Variants in EPHA6 observed in about 807,000 individuals in gnomAD.
EPHA6 encodes ephrin type-A receptor 6.
In EPHA6, 50 loss-of-function variants were observed where a neutral mutation model predicts 112.0. That is an observed-to-expected ratio of 0.45 (90% CI 0.36 to 0.56). EPHA6 has a LOEUF of 0.56. EPHA6 is among the 20% of genes least tolerant of loss of function. The pLI is 0.00. For missense variants in EPHA6, 1,280 were observed against 1,417.4 expected (o/e 0.90, Z 1.56); for synonymous variants, 529 against 490.7 (o/e 1.08, Z -1.03).
At chr3:96,981,913 T>G (rs1008603814) in intron 2 of EPHA6, among the ~76,000 whole-genome samples, 10 of 152,308 alleles carry the variant, frequency 6.6e-5, no homozygotes, top group African/African-American at 2.4e-4. Flanking sequence ...CCCTTTATCA[T>G]TTTTTATTAC....
rs1204332940 is a variant in EPHA6 at position 97,195,232 on chromosome 3, C to CTGTT, written c.1115-31031_1115-31028dup. On this transcript the variant is annotated intron_variant, in intron 3 of 17. Coordinates refer to ENST00000389672, the MANE Select transcript of EPHA6 (RefSeq NM_001080448.3). ...TTCTTGCTTTTTACTTTTTGTGTAA[C>CTGTT]TGTTGTAAGTTACTTTTGTGTAACT... Among the ~76,000 whole-genome samples, 5 of 116,394 alleles carry CTGTT rather than the reference C, an allele frequency of 4.3e-5. No homozygotes were observed. In the East Asian group the frequency reaches 1.0e-3, roughly 23 times the overall value. 76.4% of individuals were successfully genotyped at this position (116,394 alleles called of 152,430 possible).
intron 2 of EPHA6, among the ~76,000 whole-genome samples, chr3:96,980,317 C>T (rs1439388585): frequency 6.6e-6 from 1 of 152,076 alleles, no homozygotes; most frequent in South Asian, 2.1e-4. Context: ...GAATCCTTTC[C>T]CCATTTCTTG....
chr3:96,841,035 C>T (rs903489555), intron 1 of EPHA6, among the ~76,000 whole-genome samples: 4 of 151,862 alleles, frequency 2.6e-5, no homozygotes, highest in African/African-American at 9.7e-5. Context: ...CAGGAGGTCC[C>T]GATGATGTGT....
intron 5 of EPHA6, among the ~76,000 whole-genome samples, chr3:97,276,256 T>C (rs2080075868): frequency 6.6e-6 from 1 of 152,052 alleles, no homozygotes; most frequent in Non-Finnish European, 1.5e-5. Context: ...AGCCTCTAAG[T>C]GGAGAAGATC....
At chr3:97,368,866 T>C (rs1021626732) in intron 5 of EPHA6, among the ~76,000 whole-genome samples, 43 of 152,248 alleles carry the variant, frequency 2.8e-4, no homozygotes, top group African/African-American at 9.1e-4. Context: ...GATAAAAAAG[T>C]ATATAATGAA....
chr3:97,154,218 C>T (rs1041353995), intron 3 of EPHA6, among the ~76,000 whole-genome samples: 3 of 151,404 alleles, frequency 2.0e-5, no homozygotes. Context: ...GGCACTGATA[C>T]ATCCAAATTT....
At chr3:96,911,678 A>G (rs2039221986) in intron 2 of EPHA6, among the ~76,000 whole-genome samples, 1 of 152,054 alleles carries the variant, frequency 6.6e-6, no homozygotes, top group Non-Finnish European at 1.5e-5. Context: ...TATGTTTTAA[A>G]TATTTTTAAT....
chr3:96,828,098 G>T (rs1355807709), intron 1 of EPHA6, among the ~76,000 whole-genome samples: 1 of 151,944 alleles, frequency 6.6e-6, no homozygotes, highest in Non-Finnish European at 1.5e-5. Context: ...ATAGAAGAGA[G>T]AAATAAAAGT....
chr3:97,553,586 C>G (rs2093060502), intron 11 of EPHA6, among the ~76,000 whole-genome samples: 1 of 152,010 alleles, frequency 6.6e-6, no homozygotes. Flanking sequence ...ACCATCAGCT[C>G]TCATGAGAAC....
intron 16 of EPHA6, among the ~76,000 whole-genome samples, chr3:97,742,487 T>C (rs1405217179): frequency 1.3e-5 from 2 of 152,144 alleles, no homozygotes; most frequent in African/African-American, 4.8e-5. Flanking sequence ...GAAATTTTAA[T>C]TTTCATTCCT....
chr3:96,867,327 T>C (rs957988815), intron 2 of EPHA6, among the ~76,000 whole-genome samples: 58 of 151,834 alleles, frequency 3.8e-4, no homozygotes, highest in African/African-American at 1.4e-3. Flanking sequence ...TAAAATATTA[T>C]GCATTTTTGA....
chr3:97,288,542 C>G (rs910937737), intron 5 of EPHA6, among the ~76,000 whole-genome samples: 4 of 152,134 alleles, frequency 2.6e-5, no homozygotes, highest in Non-Finnish European at 5.9e-5. Flanking sequence ...CTGCAATGAA[C>G]ATGTGAGTGC....
At chr3:97,456,749 A>C (rs1481073478) in intron 7 of EPHA6, among the ~76,000 whole-genome samples, 2 of 152,136 alleles carry the variant, frequency 1.3e-5, no homozygotes, top group Admixed American at 6.5e-5. Context: ...TCATTCCCAA[A>C]GTCTGATTTT....
Position 97,646,077 on chromosome 3 carries a change from A to G in EPHA6, c.2784+7995A>G, listed in dbSNP as rs566119673. The G allele has an allele frequency of 5.1e-5, 73 of 1,421,390 alleles. No individual in the cohort carries two copies. The East Asian group carries it at 1.7e-3, about 33-fold the overall frequency. The allele number at this position is 1,421,390 out of a possible 1,614,324, so 88.0% of individuals were successfully genotyped here. A position where few individuals can be genotyped will look rare whatever the true frequency, so the allele number is the denominator to read the frequency against. ...CTATCCTTTTCTAATCAAAATACGGACAGAATAGGCATTTTCCATTAAAAT... is the reference window on the plus strand; with the variant it reads ...CTATCCTTTTCTAATCAAAATACGGGCAGAATAGGCATTTTCCATTAAAAT... On this transcript the variant is annotated intron_variant, in intron 14 of 17. Transcript: ENST00000389672.
chr3:97,632,790 G>T (rs1041717571), intron 13 of EPHA6, among the ~76,000 whole-genome samples: 1 of 152,006 alleles, frequency 6.6e-6, no homozygotes, highest in African/African-American at 2.4e-5. Flanking sequence ...TATGAGCAAG[G>T]GTCAGGTCTT....
At chr3:97,395,534 G>T (rs1468037362) in intron 5 of EPHA6, among the ~76,000 whole-genome samples, 1 of 151,754 alleles carries the variant, frequency 6.6e-6, no homozygotes, top group Non-Finnish European at 1.5e-5. Context: ...ACTGTTGTGT[G>T]CTTCTGCTTT....
intron 2 of EPHA6, among the ~76,000 whole-genome samples, chr3:96,889,435 C>T (rs1448630737): frequency 6.6e-6 from 1 of 152,138 alleles, no homozygotes; most frequent in African/African-American, 2.4e-5. Context: ...AAGGAGGCCT[C>T]ACAGTCAGGG....
chr3:97,276,127 G>A (rs2080070242), intron 5 of EPHA6, among the ~76,000 whole-genome samples: 1 of 152,126 alleles, frequency 6.6e-6, no homozygotes, highest in Admixed American at 6.5e-5. Flanking sequence ...TATGGAATTA[G>A]TAGCCTCTGT....
intron 15 of EPHA6, among the ~76,000 whole-genome samples, chr3:97,733,233 C>G (rs1322551899): frequency 6.6e-6 from 1 of 152,024 alleles, no homozygotes; most frequent in East Asian, 1.9e-4. Context: ...ACCCTGTGGA[C>G]AGGAGGCAGA....
Sources: gnomAD v4.1 joint callset for allele counts (sites outside exome capture counted in the v4.1 genomes callset) on GRCh38, gnomAD v4.1.1 for gene constraint, MANE v1.5 for transcripts, NCBI Gene and HGNC (gene_info 2026-07-23, HGNC 2026-07-21) for gene names.